The following NEK1 variants were observed in gnomAD, a reference collection of about 807,000 sequenced individuals.
NEK1 encodes the protein NIMA related kinase 1.
Under a neutral mutation model 182.1 loss-of-function variants are expected in NEK1, and 137 were observed. The ratio of observed to expected loss-of-function variants is 0.75; its 90% confidence interval spans 0.65 to 0.87. NEK1 has a LOEUF of 0.87. Among genes scored for constraint, NEK1 ranks in the 40% least tolerant of loss-of-function variants. The pLI, the probability that NEK1 is intolerant of heterozygous loss-of-function variation, is 0.00. For synonymous variants in NEK1, 513 were observed against 492.2 expected, an observed-to-expected ratio of 1.04 and a Z score of -0.56; for missense variants, 1,391 against 1,494.4, an observed-to-expected ratio of 0.93 and a Z score of 1.14.
intron 10 of NEK1, among the ~76,000 whole-genome samples, chr4:169,583,450 T>C (rs1001367978): frequency 6.6e-6 from 1 of 152,230 alleles, no homozygotes; most frequent in Admixed American, 6.5e-5. Flanking sequence ...GGTGCTTAAA[T>C]AGTAACAAGT....
At chr4:169,485,445 T>C (rs1748866721) in intron 23 of NEK1, among the ~76,000 whole-genome samples, 1 of 152,216 alleles carries the variant, frequency 6.6e-6, no homozygotes, top group Non-Finnish European at 1.5e-5. Flanking sequence ...TATCATGGTG[T>C]ATTATTTATA....
At chr4:169,593,040 CACAG>C (rs562437918) in intron 5 of NEK1, among the ~76,000 whole-genome samples, 132 of 152,106 alleles carry the variant, frequency 8.7e-4, no homozygotes, top group African/African-American at 3.0e-3. Context: ...TGTCTCATTT[CACAG>C]ACAGTGTTCT....
chr4:169,590,886 A>C (rs1170155115), intron 5 of NEK1, 77 bp from the exon 6 acceptor site: 2 of 916,352 alleles, frequency 2.2e-6, no homozygotes, highest in Non-Finnish European at 3.4e-6. Context: ...GATGAGAGGA[A>C]CTAAATCCTT....
intron 19 of NEK1, among the ~76,000 whole-genome samples, chr4:169,525,275 C>A (rs537510835): frequency 2.0e-5 from 3 of 151,966 alleles, no homozygotes; most frequent in African/African-American, 7.3e-5. Context: ...ATTACAGGCA[C>A]GCACCACCAT....
intron 7 of NEK1, 88 bp downstream of exon 7, chr4:169,589,359 G>C (rs1175642669): frequency 1.3e-6 from 1 of 785,998 alleles, no homozygotes. Flanking sequence ...TGTACTTAAA[G>C]ATACCATAAA....
chr4:169,441,352 G>C (rs1200971641), intron 27 of NEK1, among the ~76,000 whole-genome samples: 2 of 152,222 alleles, frequency 1.3e-5, no homozygotes, highest in Non-Finnish European at 2.9e-5. Flanking sequence ...ACCTGAGAAT[G>C]CTACCTGGTA....
rs778755268 is a variant in NEK1 at position 169,561,538 on chromosome 4, C to G, written c.1208G>C (p.Arg403Thr). ...ATTTCTCCATCCTTGTTCCCTGGCC[C>G]TATTTATTCTTTCCAACTTTGGGGA... ...QEKERLERIN[R>T]AREQGWRNVL... The change falls in exon 16 of 36, where the codon AGG (arginine) becomes ACG (threonine). Residue 403 changes from arginine to threonine, a missense_variant. Physicochemically the swap from Arg to Thr is moderately conservative, Grantham distance 71 (BLOSUM62 -1). This residue lies in a region of NEK1 where 1,216 missense variants were observed against 1,277.6 expected (regional missense o/e 0.95). Transcript: ENST00000507142. The G allele has an allele frequency of 1.4e-5, 22 of 1,613,294 alleles. No individual in the cohort carries two copies. The highest frequency in any genetic ancestry group is 1.7e-5 in the Non-Finnish European group (20 of 1,179,594).
Position 169,578,404 on chromosome 4 carries a change from T to G in NEK1, c.869-1325A>C, listed in dbSNP as rs72692964. On this transcript the variant is annotated intron_variant, in intron 11 of 35. Coordinates refer to ENST00000507142, the MANE Select transcript of NEK1 (RefSeq NM_001199397.3). ...TGCTCTCTAGCTCAGGATTTTATAT[T>G]GTGCTAAATCAATTTAAATCAATCT... 3.9e-3 allele frequency among the ~76,000 whole-genome samples: 601 copies of G among 152,320 alleles called. 5 individuals carry two copies. Among genetic ancestry groups the G allele is most frequent in the South Asian group, 0.03 (144 of 4,830 alleles).
chr4:169,452,526 C>T (rs535342447), intron 27 of NEK1, among the ~76,000 whole-genome samples: 5 of 152,266 alleles, frequency 3.3e-5, no homozygotes, highest in African/African-American at 4.8e-5. Context: ...AATCAATAAA[C>T]GTAATCCATC....
At chr4:169,487,606 T>C (rs1236805560) in intron 23 of NEK1, among the ~76,000 whole-genome samples, 1 of 152,248 alleles carries the variant, frequency 6.6e-6, no homozygotes, top group East Asian at 1.9e-4. Context: ...CTATCGTGAA[T>C]AGTGCTGCAA....
intron 23 of NEK1, among the ~76,000 whole-genome samples, chr4:169,498,444 A>T (rs1045733314): frequency 6.6e-6 from 1 of 152,180 alleles, no homozygotes; most frequent in African/African-American, 2.4e-5. Flanking sequence ...TGATCCCTTC[A>T]TTATGATGTT....
chr4:169,594,175 T>C (rs1488088639), intron 5 of NEK1, among the ~76,000 whole-genome samples: 2 of 152,220 alleles, frequency 1.3e-5, no homozygotes, highest in African/African-American at 4.8e-5. Flanking sequence ...CATATAGTTG[T>C]CTGAATTACA....
intron 35 of NEK1, among the ~76,000 whole-genome samples, chr4:169,399,535 A>C (rs1731285205): frequency 6.6e-6 from 1 of 152,062 alleles, no homozygotes; most frequent in Non-Finnish European, 1.5e-5. Flanking sequence ...CGAGATCACG[A>C]CACTGCACTC....
intron 24 of NEK1, among the ~76,000 whole-genome samples, chr4:169,478,640 T>C (rs928464969): frequency 2.0e-5 from 3 of 152,108 alleles, no homozygotes; most frequent in African/African-American, 7.2e-5. Context: ...AGTGTACCAA[T>C]TTTGTCTGCA....
At chr4:169,610,033 T>TC (rs1296271603) in intron 2 of NEK1, among the ~76,000 whole-genome samples, 136 of 151,586 alleles carry the variant, frequency 9.0e-4, no homozygotes, top group African/African-American at 3.1e-3. Context: ...TTTTTTTTTT[T>TC]CTGAGACAGA....
At chr4:169,597,096 A>G (rs962731799) in intron 5 of NEK1, among the ~76,000 whole-genome samples, 1 of 152,244 alleles carries the variant, frequency 6.6e-6, no homozygotes, top group Non-Finnish European at 1.5e-5. Flanking sequence ...CAAACATTTT[A>G]AAGTTCGATA....
chr4:169,538,846 T>C (rs1044407402), intron 18 of NEK1, among the ~76,000 whole-genome samples: 2 of 152,188 alleles, frequency 1.3e-5, no homozygotes, highest in Non-Finnish European at 1.5e-5. Flanking sequence ...TAGTAAGATT[T>C]GAGCACTTCT....
intron 27 of NEK1, among the ~76,000 whole-genome samples, chr4:169,441,235 C>G (rs183351753): frequency 6.6e-6 from 1 of 152,332 alleles, no homozygotes; most frequent in Admixed American, 6.5e-5. Context: ...TCCCCTAGCA[C>G]CTGGGTGAAT....
chr4:169,397,645 A>G (rs148876131), intron 35 of NEK1, among the ~76,000 whole-genome samples: 8 of 152,234 alleles, frequency 5.3e-5, no homozygotes, highest in African/African-American at 1.7e-4. Context: ...TTCCCTTTCC[A>G]TTTGTGTACT....
Sources: allele counts gnomAD v4.1 joint callset (sites outside exome capture counted in the v4.1 genomes callset), GRCh38; gene constraint gnomAD v4.1.1; regional missense constraint gnomAD v4.1.1; transcripts MANE v1.5; gene names NCBI Gene and HGNC (gene_info 2026-07-23, HGNC 2026-07-21).